Variants in SETX observed in about 807,000 individuals in gnomAD.
The protein encoded by SETX is helicase senataxin.
In SETX, 90 loss-of-function variants were observed where a neutral mutation model predicts 227.2. The ratio of observed to expected loss-of-function variants is 0.40; its 90% confidence interval spans 0.33 to 0.47. SETX has a LOEUF of 0.47. SETX is among the 20% of genes least tolerant of loss of function. The pLI is 0.91. For synonymous variants in SETX, 1,210 were observed against 1,113.2 expected (o/e 1.09, Z -1.73); for missense variants, 3,052 against 3,181.5 (o/e 0.96, Z 0.98).
intron 5 of SETX, among the ~76,000 whole-genome samples, chr9:132,338,714 T>C (rs1294855497): frequency 6.6e-6 from 1 of 152,190 alleles, no homozygotes; most frequent in Non-Finnish European, 1.5e-5. Flanking sequence ...TGTTCAGATC[T>C]TCATCCATAT....
chr9:132,323,468 C>T (rs926257926), intron 10 of SETX, among the ~76,000 whole-genome samples: 1 of 152,074 alleles, frequency 6.6e-6, no homozygotes, highest in African/African-American at 2.4e-5. Context: ...AATTTCAAGA[C>T]AATCCCATAA....
intron 18 of SETX, among the ~76,000 whole-genome samples, chr9:132,285,583 T>C (rs922775319): frequency 2.0e-5 from 3 of 146,562 alleles, no homozygotes; most frequent in Non-Finnish European, 4.5e-5. Context: ...CCATCTCTAT[T>C]AAAAATACAA....
chr9:132,270,735 A>C (rs1015225686), intron 24 of SETX, among the ~76,000 whole-genome samples: 1 of 152,228 alleles, frequency 6.6e-6, no homozygotes, highest in Non-Finnish European at 1.5e-5. Flanking sequence ...ATTTAAATAT[A>C]TCTAGACTGT....
Position 132,349,267 on chromosome 9 carries a change from C to A in SETX, c.162G>T (p.Leu54Phe), listed in dbSNP as rs1175429740. The A allele has an allele frequency of 6.2e-7, 1 of 1,613,930 alleles. No homozygotes were observed. Among genetic ancestry groups the A allele is most frequent in the Non-Finnish European group, 8.5e-7 (1 of 1,179,992 alleles). ...TATATTTTACCTCATGCAAGAATGG[C>A]AATTCATCTCTTGCTTTGTGGTACT... ...VAEYHKARDE[L>F]PFLHEVLWEL... Residue 54 changes from leucine (L) to phenylalanine (F), a missense_variant, in exon 3 of 26, where the codon TTG becomes TTT. This residue lies in a region of SETX where 152 missense variants were observed against 156.2 expected (regional missense o/e 0.97). Transcript: ENST00000224140.
chr9:132,347,317 C>T (rs1166685789), intron 3 of SETX, among the ~76,000 whole-genome samples: 2 of 151,734 alleles, frequency 1.3e-5, no homozygotes, highest in African/African-American at 4.8e-5. Context: ...TGTTTAAACA[C>T]TTTTTATTTT....
chr9:132,276,965 A>G, intron 22 of SETX, 95 bp downstream of exon 22: 1 of 1,045,930 alleles, frequency 9.6e-7, no homozygotes, highest in South Asian at 1.3e-5. Context: ...CTAGGCAGAG[A>G]GATGTGTATA....
chr9:132,317,621 G>A (rs373109395), intron 10 of SETX, among the ~76,000 whole-genome samples: 4 of 150,418 alleles, frequency 2.7e-5, no homozygotes, highest in African/African-American at 7.4e-5. Context: ...TTTGTTTGCC[G>A]TATCATTTTC....
chr9:132,267,239 C>CG (rs1235221719), intron 25 of SETX, among the ~76,000 whole-genome samples: 3 of 152,162 alleles, frequency 2.0e-5, no homozygotes, highest in African/African-American at 7.2e-5. Flanking sequence ...ATGCTTGGCC[C>CG]GGTGGCTGGC....
chr9:132,328,536 T>C lies in SETX; in HGVS notation c.3062A>G (p.Asp1021Gly). ...ACTCAGGATTCTTTCATCATCATCA[T>C]CATCAGAATCTGAAATAATAATAAC... is the stretch of plus-strand genomic sequence containing the variant. ...GQVIIISDSD[D>G]DDDERILSLE... Residue 1021 changes from aspartate (D) to glycine (G), a missense_variant, in exon 10 of 26, where the codon GAT becomes GGT. Physicochemically the swap from Asp to Gly is moderately conservative, Grantham distance 94. Coordinates refer to ENST00000224140, the MANE Select transcript of SETX (RefSeq NM_015046.7). 6.2e-7 allele frequency: 1 copy of C among 1,614,074 alleles called. No individual in the cohort carries two copies. Among genetic ancestry groups the C allele is most frequent in the South Asian group, 1.1e-5 (1 of 91,076 alleles).
chr9:132,282,067 A>C (rs1169225590), intron 19 of SETX, among the ~76,000 whole-genome samples: 1 of 151,518 alleles, frequency 6.6e-6, no homozygotes, highest in Non-Finnish European at 1.5e-5. Context: ...AAAAACAATA[A>C]ATAAATAAAA....
chr9:132,344,868 TTA>T (rs1491365590), intron 4 of SETX, among the ~76,000 whole-genome samples: 1 of 33,074 alleles, frequency 3.0e-5, no homozygotes, highest in Admixed American at 4.2e-4. Flanking sequence ...GTGAGACTCT[TTA>T]AAAAAAAAAA....
At chr9:132,338,090 CTTT>C (rs71376637) in intron 5 of SETX, among the ~76,000 whole-genome samples, 4 of 126,510 alleles carry the variant, frequency 3.2e-5, no homozygotes, top group Non-Finnish European at 1.6e-5. Flanking sequence ...GAGGAACACT[CTTT>C]TTTTTTTTTT....
intron 18 of SETX, among the ~76,000 whole-genome samples, chr9:132,285,939 T>C (rs572018032): frequency 1.5e-5 from 2 of 135,770 alleles, no homozygotes; most frequent in African/African-American, 2.8e-5. Context: ...TCCCAGCACT[T>C]TGAGGGAGGC....
At chr9:132,286,956 A>C (rs1177681747) in intron 17 of SETX, among the ~76,000 whole-genome samples, 1 of 152,186 alleles carries the variant, frequency 6.6e-6, no homozygotes, top group Non-Finnish European at 1.5e-5. Context: ...TGGGGTTTCA[A>C]AGCTGAGATG....
At chr9:132,334,915 G>GA (rs1847493696) in intron 6 of SETX, among the ~76,000 whole-genome samples, 188 bp from the exon 7 acceptor site, 1 of 152,100 alleles carries the variant, frequency 6.6e-6, no homozygotes, top group Non-Finnish European at 1.5e-5. Flanking sequence ...ATTCAAGTGT[G>GA]AAAGTACAAG....
chr9:132,287,338 A>G (rs1205368863), intron 17 of SETX, among the ~76,000 whole-genome samples: 1 of 152,118 alleles, frequency 6.6e-6, no homozygotes, highest in Non-Finnish European at 1.5e-5. Flanking sequence ...AAACAAAAAA[A>G]TTAGCCAGGC....
At chr9:132,330,678 A>AAC (rs1847168747) in intron 9 of SETX, among the ~76,000 whole-genome samples, 179 bp from the exon 10 acceptor site, 1 of 152,312 alleles carries the variant, frequency 6.6e-6, no homozygotes, top group South Asian at 2.1e-4. Context: ...TAATACACCT[A>AAC]ACTCCCAAGA....
chr9:132,312,207 T>G (rs115485624), intron 10 of SETX, among the ~76,000 whole-genome samples: 3 of 152,188 alleles, frequency 2.0e-5, no homozygotes, highest in Admixed American at 1.3e-4. Flanking sequence ...ACAGCTCCGG[T>G]AGAATGCTAC....
intron 3 of SETX, among the ~76,000 whole-genome samples, chr9:132,348,187 C>T (rs1848398008): frequency 1.3e-5 from 2 of 151,436 alleles, no homozygotes; most frequent in African/African-American, 2.4e-5. Context: ...TGGTAAAACC[C>T]CATCTCTACT....
Sources: gnomAD v4.1 joint callset for allele counts (sites outside exome capture counted in the v4.1 genomes callset) on GRCh38, gnomAD v4.1.1 for gene constraint, gnomAD v4.1.1 regional missense constraint, MANE v1.5 for transcripts, NCBI Gene and HGNC (gene_info 2026-07-23, HGNC 2026-07-21) for gene names.